The following CD200 variants were observed in gnomAD, a reference collection of about 807,000 sequenced individuals.
The protein encoded by CD200 is OX-2 membrane glycoprotein.
A neutral mutation model predicts 30.9 loss-of-function variants in CD200; 15 were observed. The observed-to-expected ratio is 0.49, with a 90% CI of 0.32 to 0.75. The LOEUF is 0.75. Among genes scored for constraint, CD200 ranks in the 30% least tolerant of loss-of-function variants. CD200 has a pLI of 0.03. For synonymous variants in CD200, 134 were observed against 126.2 expected (o/e 1.06, Z -0.41); for missense variants, 262 against 324.2 (o/e 0.81, Z 1.47).
chr3:112,351,060 A>T (rs2081521747), intron 5 of CD200, among the ~76,000 whole-genome samples: 1 of 152,054 alleles, frequency 6.6e-6, no homozygotes, highest in Non-Finnish European at 1.5e-5. Context: ...CACAGAATAA[A>T]ATCAAAGACA....
chr3:112,355,411 G>A (rs2081606485), intron 5 of CD200, among the ~76,000 whole-genome samples: 1 of 151,962 alleles, frequency 6.6e-6, no homozygotes, highest in South Asian at 2.1e-4. Flanking sequence ...TAGAATCTCA[G>A]TTCTTGCATA....
intron 5 of CD200, among the ~76,000 whole-genome samples, chr3:112,350,258 T>C (rs888525814): frequency 6.6e-6 from 1 of 152,226 alleles, no homozygotes; most frequent in African/African-American, 2.4e-5. Context: ...CCTCAAACAC[T>C]GTCAGCATCA....
Position 112,345,037 on chromosome 3 carries a change from A to G in CD200, c.170A>G (p.Gln57Arg). Residue 57 changes from glutamine (Q) to arginine (R), a missense_variant, in exon 3 of 6, where the codon CAG becomes CGG. Gln to Arg is a conservative substitution (Grantham distance 43). Transcript: ENST00000315711. ...TTAAAATGCTCTCTGCAAAATGCCC[A>G]GGAAGCCCTCATTGTGACATGGCAG... ...ASLKCSLQNAQEALIVTWQKK... is the reference protein window; with the variant it reads ...ASLKCSLQNAREALIVTWQKK... 4 of 1,614,124 alleles carry G rather than the reference A, an allele frequency of 2.5e-6. No homozygotes were observed. The highest frequency in any genetic ancestry group is 3.4e-6 in the Non-Finnish European group (4 of 1,180,006).
upstream of CD200, chr3:112,332,927 T>G (rs950778620): frequency 6.9e-5 from 36 of 518,188 alleles, no homozygotes; most frequent in East Asian, 1.3e-3. Context: ...AAAAAATGAT[T>G]TTTTTTTTCC....
chr3:112,345,405 G>C (rs771330143), intron 3 of CD200, 117 bp downstream of exon 3: 1 of 773,952 alleles, frequency 1.3e-6, no homozygotes, highest in Non-Finnish European at 2.1e-6. Flanking sequence ...GTCATGAGAA[G>C]ATAGCCTTTC....
intron 3 of CD200, among the ~76,000 whole-genome samples, chr3:112,345,992 T>G (rs996761383): frequency 6.6e-6 from 1 of 152,148 alleles, no homozygotes. Context: ...ACGGCAGTAG[T>G]TTTAGGGAGT....
At chr3:112,346,121 CA>C (rs1361800338) in intron 3 of CD200, among the ~76,000 whole-genome samples, 1 of 152,022 alleles carries the variant, frequency 6.6e-6, no homozygotes, top group Admixed American at 6.6e-5. Context: ...AGGACAATGC[CA>C]AAAGAAATTT....
intron 2 of CD200, among the ~76,000 whole-genome samples, chr3:112,343,656 A>AAG (rs2081319568): frequency 6.6e-6 from 1 of 152,160 alleles, no homozygotes; most frequent in Admixed American, 6.5e-5. Flanking sequence ...GTTTAAATAT[A>AAG]TTAAATTGAA....
At chr3:112,332,846 G>T (rs13073116), upstream of CD200, 239,360 of 256,224 alleles carry the variant, frequency 0.93, 111,896 homozygotes, top group East Asian at 0.97. Flanking sequence ...GAGCTAACAG[G>T]TCAACAACTG....
At chr3:112,350,013 C>T (rs1213027955) in intron 5 of CD200, 194 bp downstream of exon 5, 1 of 971,178 alleles carries the variant, frequency 1.0e-6, no homozygotes, top group Admixed American at 6.2e-5. Context: ...TTAAATTGGA[C>T]ATTTCTGCTT....
chr3:112,354,543 C>G (rs920748311), intron 5 of CD200, among the ~76,000 whole-genome samples: 1 of 152,196 alleles, frequency 6.6e-6, no homozygotes, highest in Non-Finnish European at 1.5e-5. Flanking sequence ...CTAGCCTCTA[C>G]TAACAAAAGA....
At chr3:112,333,801 A>G (rs1209268708) in intron 1 of CD200, 1 of 985,286 alleles carries the variant, frequency 1.0e-6, no homozygotes, top group Non-Finnish European at 1.2e-6. Context: ...CTGAAGCTAC[A>G]CTTGAGAGAG....
chr3:112,337,893 T>C (rs1263426517), intron 1 of CD200, among the ~76,000 whole-genome samples: 1 of 152,182 alleles, frequency 6.6e-6, no homozygotes, highest in Non-Finnish European at 1.5e-5. Context: ...TATCCTCCCA[T>C]ATATATAAAC....
Position 112,345,488 on chromosome 3 carries a change from A to G in CD200, c.421+200A>G, listed in dbSNP as rs117277710. On this transcript the variant is annotated intron_variant, in intron 3 of 5. Transcript: ENST00000315711. The stretch of plus-strand genomic sequence containing the variant: ...TACACTGAGTTCTTTGGCTGGAGCT[A>G]TCTTTTCTCTGAGGGATCCTGCTGT... Among the ~76,000 whole-genome samples the G allele has an allele frequency of 1.1e-3, 162 of 152,320 alleles. 2 individuals are homozygous for G. In the East Asian group the frequency reaches 0.017, roughly 16 times the overall value.
At chr3:112,342,473 A>T (rs2081291607) in intron 2 of CD200, among the ~76,000 whole-genome samples, 1 of 147,312 alleles carries the variant, frequency 6.8e-6, no homozygotes, top group South Asian at 2.2e-4. Flanking sequence ...CCCAGGCTGG[A>T]GTGCAGTGGC....
In CD200 at chr3:112,345,015, A is replaced by G. The variant is rs1271047642; in HGVS notation, c.148A>G (p.Lys50Glu). ...REQLYTPASL[K>E]CSLQNAQEAL... is the part of the protein sequence containing the mutation. ...GCAGCTGTACACACCTGCTTCCTTAAAATGCTCTCTGCAAAATGCCCAGGA... is the reference window on the plus strand; with the variant it reads ...GCAGCTGTACACACCTGCTTCCTTAGAATGCTCTCTGCAAAATGCCCAGGA... Residue 50 changes from lysine (K) to glutamate (E), a missense_variant, in exon 3 of 6, where the codon AAA (lysine) becomes GAA (glutamate). Lys to Glu is a moderately conservative substitution (Grantham distance 56). Transcript: ENST00000315711. The G allele has an allele frequency of 6.2e-7, 1 of 1,614,102 alleles. No homozygotes were observed. The highest frequency in any genetic ancestry group is 1.7e-5 in the Admixed American group (1 of 59,996).
At chr3:112,333,058 G>C, upstream of CD200, 1 of 1,065,840 alleles carries the variant, frequency 9.4e-7, no homozygotes, top group Non-Finnish European at 1.4e-6. Flanking sequence ...GCTCCTGTGA[G>C]GGCGTGGGGA....
chr3:112,338,766 C>CAAT (rs74963787), intron 1 of CD200, among the ~76,000 whole-genome samples: 40,631 of 151,846 alleles, frequency 0.27, 6,428 homozygotes, highest in East Asian at 0.49. Flanking sequence ...TTCCTCACAA[C>CAAT]GATTTGGTCA....
intron 5 of CD200, among the ~76,000 whole-genome samples, chr3:112,354,206 G>A (rs1576621962): frequency 6.6e-6 from 1 of 152,210 alleles, no homozygotes; most frequent in East Asian, 1.9e-4. Context: ...AACATCTCTA[G>A]GAATCAAGAC....
Sources: gnomAD v4.1 joint callset for allele counts (sites outside exome capture counted in the v4.1 genomes callset) on GRCh38, gnomAD v4.1.1 for gene constraint, MANE v1.5 for transcripts, NCBI Gene and HGNC (gene_info 2026-07-23, HGNC 2026-07-21) for gene names.